The following STARD9 variants were observed in gnomAD, a reference collection of about 807,000 sequenced individuals.
The protein encoded by STARD9 is StAR related lipid transfer domain containing 9, also known as stAR-related lipid transfer protein 9.
STARD9 carries 346 observed loss-of-function variants against 399.8 expected under a neutral mutation model. That is an observed-to-expected ratio of 0.87 (90% CI 0.79 to 0.95). The LOEUF (loss-of-function observed/expected upper bound fraction) is 0.95, where lower values mean the gene tolerates loss of function less well. Among genes scored for constraint, STARD9 ranks in the 40% least tolerant of loss-of-function variants. STARD9 has a pLI of 0.00. For missense variants in STARD9, 5,832 were observed against 5,667.5 expected (o/e 1.03, Z -0.93); for synonymous variants, 2,203 against 2,143.5 (o/e 1.03, Z -0.77).
chr15:42,644,365 C>T (rs1393038573), intron 7 of STARD9, among the ~76,000 whole-genome samples: 1 of 151,954 alleles, frequency 6.6e-6, no homozygotes, highest in African/African-American at 2.4e-5. Context: ...TGGTGGCGGG[C>T]ACCTGTAGTC....
rs965747941 is a variant in STARD9 at position 42,651,010 on chromosome 15, C to T, written c.560-6C>T. On this transcript the variant is annotated splice_polypyrimidine_tract_variant and splice_region_variant and intron_variant, in intron 7 of 32. Coordinates refer to ENST00000290607, the MANE Select transcript of STARD9 (RefSeq NM_020759.3). ...ATTTCTTTTTTCCGTTTCACAAATCCGATAGGTTTATCTCAACATGTAGTT... is the reference window on the plus strand; with the variant it reads ...ATTTCTTTTTTCCGTTTCACAAATCTGATAGGTTTATCTCAACATGTAGTT... 9.9e-6 allele frequency: 15 copies of T among 1,509,198 alleles called. No individual in the cohort carries two copies. The Admixed American group carries it at 1.2e-4, about 12-fold the overall frequency. The allele number at this position is 1,509,198 out of a possible 1,614,324, so 93.5% of individuals were successfully genotyped here. A position where few individuals can be genotyped will look rare whatever the true frequency, so the allele number is the denominator to read the frequency against.
At chr15:42,677,107 A>AAAG (rs1252733393) in intron 20 of STARD9, among the ~76,000 whole-genome samples, 2 of 149,988 alleles carry the variant, frequency 1.3e-5, no homozygotes, top group African/African-American at 4.9e-5. Context: ...AAAAAAAAAA[A>AAAG]AAAAAAAAAA....
Position 42,681,555 on chromosome 15 carries a change from C to T in STARD9, c.2008C>T (p.Arg670Ter), listed in dbSNP as rs751635765. Residue 670 changes from arginine (R) to a stop codon, truncating the protein, a stop_gained, in exon 21 of 33, where the codon CGA (arginine) becomes TGA (stop). Coordinates refer to ENST00000290607, the MANE Select transcript of STARD9 (RefSeq NM_020759.3). LOFTEE classifies it high-confidence loss of function. ...GCATCAAATCCTAGCAGAAGAGATT[C>T]GAGCTGCGAAGGAACTGGAATTTGA... The part of the protein sequence containing the change: ...LRHQILAEEI[R>*]AAKELEFDQA... 1.9e-5 allele frequency: 29 copies of T among 1,537,116 alleles called. No homozygotes were observed. The highest frequency in any genetic ancestry group is 2.7e-5 in the African/African-American group (2 of 73,154).
At chr15:42,683,168 C>G (rs1355949070) in intron 22 of STARD9, among the ~76,000 whole-genome samples, 2 of 152,232 alleles carry the variant, frequency 1.3e-5, no homozygotes, top group Admixed American at 1.3e-4. Flanking sequence ...TTTGTATCCT[C>G]AGGACCTAGC....
intron 26 of STARD9, among the ~76,000 whole-genome samples, chr15:42,701,180 G>C (rs2060956452): frequency 6.6e-6 from 1 of 152,100 alleles, no homozygotes; most frequent in African/African-American, 2.4e-5. Flanking sequence ...TTTGAAGTCA[G>C]GTACTGTGAT....
intron 1 of STARD9, among the ~76,000 whole-genome samples, chr15:42,577,339 G>C (rs1347566053): frequency 1.3e-5 from 2 of 152,086 alleles, no homozygotes; most frequent in African/African-American, 2.4e-5. Context: ...ATTTTTAGTA[G>C]AGATGGGGTT....
chr15:42,599,685 C>G (rs1013543344), intron 3 of STARD9, among the ~76,000 whole-genome samples: 3 of 152,174 alleles, frequency 2.0e-5, no homozygotes, highest in Non-Finnish European at 4.4e-5. Context: ...CAGACTAGGT[C>G]TCATCTATCT....
chr15:42,656,441 A>G (rs1365268825), intron 9 of STARD9, among the ~76,000 whole-genome samples: 1 of 148,436 alleles, frequency 6.7e-6, no homozygotes, highest in Non-Finnish European at 1.5e-5. Context: ...TATCACCATT[A>G]TGGAAAACAG....
At position 42,694,658 on chromosome 15, in the gene STARD9, C is replaced by T. The variant is rs1436506311; in HGVS notation, c.12895C>T (p.Leu4299Phe). 68 of 1,537,060 alleles carry T rather than the reference C, an allele frequency of 4.4e-5. No individual in the cohort carries two copies. The highest frequency in any genetic ancestry group is 5.8e-5 in the Non-Finnish European group (66 of 1,146,902). ...LPNKDLFIWD[L>F]DLPSRRREYL... is the part of the protein sequence containing the mutation. Reference sequence around the variant, plus strand: ...CAACAAAGATCTCTTCATCTGGGATCTTGACTTGCCCAGCAGACGCCGAGA... The same window carrying T: ...CAACAAAGATCTCTTCATCTGGGATTTTGACTTGCCCAGCAGACGCCGAGA... The change falls in exon 24 of 33, where the codon CTT becomes TTT. Residue 4299 changes from leucine (L) to phenylalanine (F), a missense_variant. By Grantham distance (22) the Leu-to-Phe change is conservative. Transcript: ENST00000290607.
chr15:42,712,888 A>G (rs1466860478), intron 26 of STARD9, among the ~76,000 whole-genome samples: 1 of 152,174 alleles, frequency 6.6e-6, no homozygotes. Context: ...GGAAGTAGGC[A>G]TCTTCCAACT....
chr15:42,709,835 A>T (rs1251379647), intron 26 of STARD9, among the ~76,000 whole-genome samples: 4 of 152,138 alleles, frequency 2.6e-5, no homozygotes, highest in African/African-American at 9.7e-5. Flanking sequence ...TCCCTCATTT[A>T]TTCTACATTT....
At chr15:42,575,830 C>A in intron 1 of STARD9, 68 bp downstream of exon 1, 6 of 1,467,836 alleles carry the variant, frequency 4.1e-6, no homozygotes, top group Non-Finnish European at 5.5e-6. Context: ...GTCCGCGTCT[C>A]CCCCTGCAGA....
rs553986946 is a variant in STARD9 at position 42,720,865 on chromosome 15, C to T, written c.*1291C>T. On this transcript the variant is annotated 3_prime_UTR_variant, in exon 33 of 33. Coordinates refer to ENST00000290607, the MANE Select transcript of STARD9 (RefSeq NM_020759.3). The stretch of plus-strand genomic sequence containing the variant: ...AAATTGCTTTTAAACTTCTATTTCT[C>T]GGGTAAATTTTTTGGTGACATGATA... 13 of 152,114 alleles carry T rather than the reference C, an allele frequency of 8.5e-5. No homozygotes were observed. Among genetic ancestry groups the T allele is most frequent in the African/African-American group, 2.2e-4 (9 of 41,484 alleles). 9.4% of individuals were successfully genotyped at this position (152,114 alleles called of 1,614,324 possible). A position where few individuals can be genotyped will look rare whatever the true frequency, so the allele number is the denominator to read the frequency against.
chr15:42,693,501 T>G lies in STARD9; in HGVS notation c.11923T>G (p.Ser3975Ala). The G allele has an allele frequency of 6.5e-7, 1 of 1,537,186 alleles. No individual in the cohort carries two copies. The highest frequency in any genetic ancestry group is 8.7e-7 in the Non-Finnish European group (1 of 1,146,900). The change falls in exon 23 of 33, where the codon TCC becomes GCC. Residue 3975 changes from serine to alanine, a missense_variant. Transcript: ENST00000290607. ...RSSLQRSNGR[S>A]FLELHSPHSP... ...TTCCTTACAAAGGAGTAATGGGAGA[T>G]CCTTCCTTGAGTTGCACTCCCCACA...
At position 42,686,856 on chromosome 15, in the gene STARD9, G is replaced by A. The variant is rs770171201; in HGVS notation, c.5278G>A (p.Ala1760Thr). 2 of 1,537,084 alleles carry A rather than the reference G, an allele frequency of 1.3e-6. No individual in the cohort carries two copies. The highest frequency in any genetic ancestry group is 1.4e-5 in the African/African-American group (1 of 73,164). The change falls in exon 23 of 33, where the codon GCC becomes ACC. Residue 1760 changes from alanine (A) to threonine (T), a missense_variant. Physicochemically the swap from Ala to Thr is moderately conservative, Grantham distance 58. Around this residue, in one of 2 missense-constraint regions of STARD9, gnomAD observed 5,828 missense variants for 5,651.1 expected, o/e 1.03. Transcript: ENST00000290607. Reference protein sequence around the residue: ...TKSRDALTETALEIPACREVR... With the variant: ...TKSRDALTETTLEIPACREVR... The stretch of plus-strand genomic sequence containing the variant: ...AAGCAGGGATGCCCTGACAGAAACT[G>A]CCTTAGAGATTCCAGCTTGCAGAGA...
intron 26 of STARD9, among the ~76,000 whole-genome samples, chr15:42,707,273 A>G (rs2061109126): frequency 6.6e-6 from 1 of 152,200 alleles, no homozygotes. Context: ...ATGTTTGCAT[A>G]GGTTATGAGA....
chr15:42,607,961 A>G (rs2058771409), intron 3 of STARD9, among the ~76,000 whole-genome samples: 1 of 152,156 alleles, frequency 6.6e-6, no homozygotes, highest in African/African-American at 2.4e-5. Context: ...CTTAGTTGTC[A>G]CTAACAAGTA....
intron 26 of STARD9, among the ~76,000 whole-genome samples, chr15:42,699,973 T>C (rs1029652217): frequency 2.6e-5 from 4 of 152,078 alleles, no homozygotes; most frequent in African/African-American, 7.2e-5. Context: ...TCTCAAAGCG[T>C]TGGGGTTACA....
chr15:42,638,942 A>G (rs1057039407), intron 7 of STARD9, 130 bp downstream of exon 7: 6 of 468,946 alleles, frequency 1.3e-5, no homozygotes, highest in Middle Eastern at 4.7e-4. Context: ...TAGACACTGA[A>G]TATGTATTGA....
Sources: gnomAD v4.1 joint callset for allele counts (sites outside exome capture counted in the v4.1 genomes callset) on GRCh38, gnomAD v4.1.1 for gene constraint, gnomAD v4.1.1 regional missense constraint, MANE v1.5 for transcripts, NCBI Gene and HGNC (gene_info 2026-07-23, HGNC 2026-07-21) for gene names.